PTPRM: variants seen among roughly 807,000 people sequenced by gnomAD.
PTPRM encodes receptor-type tyrosine-protein phosphatase mu.
A neutral mutation model predicts 186.7 loss-of-function variants in PTPRM; 47 were observed. That is an observed-to-expected ratio of 0.25 (90% CI 0.20 to 0.32). The LOEUF is 0.32. Ranked by LOEUF, PTPRM falls within the 10% of genes least tolerant of loss-of-function variation. The pLI is 1.00. For missense variants in PTPRM, 1,494 were observed against 1,865.0 expected, an observed-to-expected ratio of 0.80 and a Z score of 3.66; for synonymous variants, 668 against 674.9, an observed-to-expected ratio of 0.99 and a Z score of 0.16.
At chr18:8,109,690 A>G (rs1369594436) in intron 11 of PTPRM, among the ~76,000 whole-genome samples, 17 of 152,192 alleles carry the variant, frequency 1.1e-4, no homozygotes. Context: ...AATGTCAAAC[A>G]TTGTGTTGTT....
At chr18:8,109,092 A>T (rs2091648290) in intron 11 of PTPRM, among the ~76,000 whole-genome samples, 1 of 152,238 alleles carries the variant, frequency 6.6e-6, no homozygotes, top group African/African-American at 2.4e-5. Flanking sequence ...ATGATTGTGG[A>T]TGGAAAAATT....
intron 19 of PTPRM, among the ~76,000 whole-genome samples, chr18:8,256,154 C>G (rs972660325): frequency 1.3e-5 from 2 of 152,150 alleles, no homozygotes; most frequent in Admixed American, 1.3e-4. Flanking sequence ...TTCATTAACA[C>G]CCACCCAGAG....
intron 1 of PTPRM, among the ~76,000 whole-genome samples, chr18:7,756,978 C>A (rs1245325296): frequency 6.6e-6 from 1 of 152,204 alleles, no homozygotes; most frequent in Admixed American, 6.5e-5. Context: ...GCCTGATCTT[C>A]AGCCATGTTT....
intron 13 of PTPRM, among the ~76,000 whole-genome samples, chr18:8,125,780 A>G (rs1203696458): frequency 1.3e-5 from 2 of 151,868 alleles, no homozygotes; most frequent in South Asian, 2.1e-4. Context: ...TCTTCCTTTT[A>G]TCTCGCGATT....
intron 25 of PTPRM, 46 bp downstream of exon 25, chr18:8,376,246 G>T: frequency 6.3e-7 from 1 of 1,596,896 alleles, no homozygotes; most frequent in South Asian, 1.1e-5. Context: ...AGTGGGTGAT[G>T]GGTGCAGGGC....
At chr18:7,873,390 C>T (rs2048072728) in intron 2 of PTPRM, among the ~76,000 whole-genome samples, 1 of 152,208 alleles carries the variant, frequency 6.6e-6, no homozygotes, top group African/African-American at 2.4e-5. Flanking sequence ...TAGACTAAAT[C>T]ATCAGCTCCA....
intron 14 of PTPRM, among the ~76,000 whole-genome samples, chr18:8,232,287 C>A (rs536089113): frequency 2.0e-5 from 3 of 152,330 alleles, no homozygotes; most frequent in African/African-American, 7.2e-5. Context: ...GGCTTCATAG[C>A]TTATTCCTTT....
chr18:8,193,659 G>A (rs11875152), intron 14 of PTPRM, among the ~76,000 whole-genome samples: 81,551 of 152,098 alleles, frequency 0.54, 22,331 homozygotes, highest in East Asian at 0.84. Context: ...ACAGTAGTGA[G>A]TGCACAGCTG....
intron 14 of PTPRM, among the ~76,000 whole-genome samples, chr18:8,242,606 G>A (rs921210984): frequency 4.6e-5 from 7 of 152,156 alleles, no homozygotes; most frequent in Non-Finnish European, 1.0e-4. Flanking sequence ...GATGTTATAA[G>A]TAATTTTCAT....
chr18:7,938,685 G>A (rs533861591), intron 5 of PTPRM, among the ~76,000 whole-genome samples: 7 of 152,176 alleles, frequency 4.6e-5, no homozygotes, highest in South Asian at 2.1e-4. Context: ...TTAAATACAG[G>A]TTTATTAAAT....
At chr18:8,155,460 A>G (rs1170246884) in intron 14 of PTPRM, among the ~76,000 whole-genome samples, 8 of 152,244 alleles carry the variant, frequency 5.3e-5, no homozygotes, top group Non-Finnish European at 8.8e-5. Context: ...ATTATATTAC[A>G]TAAATACCTG....
At chr18:7,821,129 G>T (rs1173015756) in intron 2 of PTPRM, among the ~76,000 whole-genome samples, 1 of 152,114 alleles carries the variant, frequency 6.6e-6, no homozygotes, top group Non-Finnish European at 1.5e-5. Context: ...AACCCATCTG[G>T]TAGAACTCAC....
chr18:7,947,647 C>T (rs1322426285), intron 5 of PTPRM, among the ~76,000 whole-genome samples: 4 of 152,150 alleles, frequency 2.6e-5, no homozygotes, highest in Non-Finnish European at 5.9e-5. Flanking sequence ...TCTTGAGCTT[C>T]CTGTAGCGTT....
chr18:7,914,029 G>A (rs1280361922), intron 4 of PTPRM, among the ~76,000 whole-genome samples: 2 of 151,926 alleles, frequency 1.3e-5, no homozygotes, highest in African/African-American at 4.8e-5. Context: ...AATTTGTGTA[G>A]TCACACATTG....
At chr18:7,767,725 A>T (rs1355656285) in intron 1 of PTPRM, among the ~76,000 whole-genome samples, 3 of 152,234 alleles carry the variant, frequency 2.0e-5, no homozygotes, top group Non-Finnish European at 4.4e-5. Context: ...AAAAAAAAGA[A>T]AGAGAATTCA....
At chr18:8,052,882 T>C (rs930841486) in intron 7 of PTPRM, among the ~76,000 whole-genome samples, 13 of 152,306 alleles carry the variant, frequency 8.5e-5, no homozygotes, top group Admixed American at 7.2e-4. Flanking sequence ...ATCTGATTGG[T>C]ATAGAATGGA....
rs778125124 is a variant in PTPRM, at chr18:7,638,715, A to G, written c.73+70824A>G. ...GTATTATTAGGTTAGTTCTTATGCT[A>G]ATTTTAGATTTATTAACAGATAGGC... On this transcript the variant is annotated intron_variant, in intron 1 of 32. Transcript: ENST00000580170. 4.6e-5 allele frequency among the ~76,000 whole-genome samples: 7 copies of G among 152,314 alleles called. No homozygotes were observed. In the South Asian group the frequency reaches 1.2e-3, roughly 27 times the overall value.
chr18:7,911,447 G>A (rs1356882929), intron 4 of PTPRM, among the ~76,000 whole-genome samples: 1 of 152,126 alleles, frequency 6.6e-6, no homozygotes, highest in Non-Finnish European at 1.5e-5. Context: ...GTTTCAGGTG[G>A]CACCTGTTTG....
chr18:8,265,918 G>C (rs1261507302), intron 19 of PTPRM, among the ~76,000 whole-genome samples: 1 of 152,116 alleles, frequency 6.6e-6, no homozygotes, highest in Non-Finnish European at 1.5e-5. Flanking sequence ...TGGATGGAAT[G>C]TTTTTCAGTG....
Sources: gnomAD v4.1 joint callset for allele counts (sites outside exome capture counted in the v4.1 genomes callset) on GRCh38, gnomAD v4.1.1 for gene constraint, MANE v1.5 for transcripts, NCBI Gene and HGNC (gene_info 2026-07-23, HGNC 2026-07-21) for gene names.